Variants in RGS5 observed in about 807,000 individuals in gnomAD.
The protein encoded by RGS5 is regulator of G protein signaling 5.
RGS5 carries 20 observed loss-of-function variants against 18.9 expected under a neutral mutation model. The observed-to-expected ratio is 1.06, with a 90% CI of 0.74 to 1.54. The LOEUF (loss-of-function observed/expected upper bound fraction) is 1.54, where lower values mean the gene tolerates loss of function less well. Ranked by LOEUF, RGS5 falls within the 40% of genes most tolerant of loss-of-function variation. The pLI, the probability that RGS5 is intolerant of heterozygous loss-of-function variation, is 0.00. For synonymous variants in RGS5, 57 were observed against 76.2 expected, an observed-to-expected ratio of 0.75 and a Z score of 1.31; for missense variants, 201 against 211.8, an observed-to-expected ratio of 0.95 and a Z score of 0.32.
At chr1:163,282,780 TG>T (rs768919047) in intron 2 of RGS5, among the ~76,000 whole-genome samples, 1 of 152,032 alleles carries the variant, frequency 6.6e-6, no homozygotes, top group Non-Finnish European at 1.5e-5. Context: ...ACTAGATGAC[TG>T]GGTACATATC....
intron 2 of RGS5, among the ~76,000 whole-genome samples, chr1:163,291,330 G>A (rs1308919334): frequency 6.6e-6 from 1 of 152,104 alleles, no homozygotes; most frequent in African/African-American, 2.4e-5. Context: ...CCTTCAAGCT[G>A]CCCTTAAGTA....
chr1:163,295,391 T>C (rs894213539), intron 2 of RGS5, among the ~76,000 whole-genome samples: 7 of 152,360 alleles, frequency 4.6e-5, no homozygotes, highest in South Asian at 2.1e-4. Flanking sequence ...CTTTTCCTTT[T>C]GTTTTCATAA....
intron 2 of RGS5, among the ~76,000 whole-genome samples, chr1:163,276,182 C>A (rs527715983): frequency 6.8e-4 from 104 of 152,102 alleles, no homozygotes; most frequent in African/African-American, 2.5e-3. Flanking sequence ...TTAGTAAAGA[C>A]GGGGTTTCTC....
intron 2 of RGS5, among the ~76,000 whole-genome samples, chr1:163,274,230 G>A (rs1648794110): frequency 6.6e-6 from 1 of 151,628 alleles, no homozygotes; most frequent in African/African-American, 2.4e-5. Context: ...CTCAGAATAG[G>A]GCTGATTACC....
chr1:163,147,799 G>GA (rs1657200218), intron 4 of RGS5, among the ~76,000 whole-genome samples: 1 of 400 alleles, frequency 2.5e-3, no homozygotes, highest in Admixed American at 0.033. Flanking sequence ...TCCTTTTATA[G>GA]AAAAAAATAT....
chr1:163,245,988 G>A (rs1188083552), intron 2 of RGS5, among the ~76,000 whole-genome samples: 1 of 152,126 alleles, frequency 6.6e-6, no homozygotes, highest in Non-Finnish European at 1.5e-5. Flanking sequence ...GGCCAAGGCG[G>A]GCGGATCACG....
Position 163,147,439 on chromosome 1 carries a change from C to A in RGS5, c.449G>T (p.Ser150Ile). ...MKNLVEPSLS[S>I]FDMAQKRIHA... is the part of the protein sequence containing the mutation. ...GATTCTTTTCTGGGCCATGTCAAAG[C>A]TGCTCAGGGAAGGTTCCACCAGGTT... is the stretch of plus-strand genomic sequence containing the variant. The change falls in exon 5 of 5, where the codon AGC (serine) becomes ATC (isoleucine). Residue 150 changes from serine (S) to isoleucine (I), a missense_variant. By Grantham distance (142) the Ser-to-Ile change is moderately radical. Coordinates refer to ENST00000313961, the MANE Select transcript of RGS5 (RefSeq NM_003617.4). The A allele has an allele frequency of 6.2e-7, 1 of 1,613,044 alleles. No homozygotes were observed. Among genetic ancestry groups the A allele is most frequent in the Non-Finnish European group, 8.5e-7 (1 of 1,179,440 alleles).
At chr1:163,321,271 A>G (rs186954959) in intron 1 of RGS5, 203 of 152,342 alleles carry the variant, frequency 1.3e-3, no homozygotes, top group African/African-American at 4.6e-3. Context: ...CTTACTGTAT[A>G]ACTTCTAACA....
chr1:163,188,571 C>T (rs1025432307), intron 1 of RGS5, among the ~76,000 whole-genome samples: 6 of 152,056 alleles, frequency 3.9e-5, no homozygotes, highest in African/African-American at 1.2e-4. Context: ...GATTCTGGAC[C>T]CACAGCTCAA....
chr1:163,244,779 CA>C (rs1647884010), intron 2 of RGS5: 1 of 152,152 alleles, frequency 6.6e-6, no homozygotes. Context: ...TACACAGAAT[CA>C]TTCAGAAGGT....
chr1:163,169,379 G>A (rs962160853), intron 1 of RGS5, among the ~76,000 whole-genome samples: 1 of 152,166 alleles, frequency 6.6e-6, no homozygotes, highest in South Asian at 2.1e-4. Flanking sequence ...TATATACCCA[G>A]TAATAGGATG....
intron 2 of RGS5, among the ~76,000 whole-genome samples, chr1:163,273,198 T>C (rs1044119791): frequency 3.9e-5 from 6 of 152,122 alleles, no homozygotes; most frequent in Admixed American, 1.3e-4. Flanking sequence ...TTGAAAAGAA[T>C]GTGTATTCTG....
At position 163,284,286 on chromosome 1, in the gene RGS5, C is replaced by T. The variant is rs377589019; in HGVS notation, c.-281+21947G>A. On this transcript the variant is annotated intron_variant, in intron 2 of 5. Coordinates refer to the RGS5 transcript ENST00000618415. ...TAGCCCATCTCTTGTTATCATTCAG[C>T]AACTATAGGCCTCATTCATAAAGTC... Among the ~76,000 whole-genome samples the T allele has an allele frequency of 1.3e-4, 20 of 152,254 alleles. 1 individual carries two copies. The South Asian group carries it at 4.2e-3, about 32-fold the overall frequency.
intron 2 of RGS5, among the ~76,000 whole-genome samples, chr1:163,293,506 A>G (rs532571210): frequency 1.0e-3 from 153 of 152,300 alleles, no homozygotes; most frequent in African/African-American, 3.6e-3. Flanking sequence ...CCCTTCCTTG[A>G]CACTTAGGGG....
chr1:163,307,881 G>C (rs527675938), intron 1 of RGS5, among the ~76,000 whole-genome samples: 1 of 152,288 alleles, frequency 6.6e-6, no homozygotes, highest in Non-Finnish European at 1.5e-5. Flanking sequence ...AATAAACTGA[G>C]ACTTAAAGAT....
chr1:163,319,153 G>A (rs552599587), intron 1 of RGS5: 4 of 152,270 alleles, frequency 2.6e-5, no homozygotes, highest in Admixed American at 6.5e-5. Flanking sequence ...TTTGTTTAAA[G>A]CACTAGATAT....
At chr1:163,254,908 C>A (rs1337294410) in intron 2 of RGS5, among the ~76,000 whole-genome samples, 2 of 151,536 alleles carry the variant, frequency 1.3e-5, no homozygotes, top group East Asian at 1.9e-4. Flanking sequence ...ATAGGGAATC[C>A]TTTCCCCATT....
upstream of RGS5, among the ~76,000 whole-genome samples, chr1:163,205,949 C>T (rs1019017592): frequency 1.3e-4 from 20 of 152,250 alleles, no homozygotes; most frequent in East Asian, 3.9e-4. Context: ...TCACTAATCT[C>T]GCTACTCACA....
chr1:163,272,832 C>T (rs1373729103), intron 2 of RGS5, among the ~76,000 whole-genome samples: 2 of 151,984 alleles, frequency 1.3e-5, no homozygotes, highest in African/African-American at 4.8e-5. Flanking sequence ...ATTACTACAG[C>T]TTTATGATAA....
Sources: allele counts gnomAD v4.1 joint callset (sites outside exome capture counted in the v4.1 genomes callset), GRCh38; gene constraint gnomAD v4.1.1; transcripts MANE v1.5; gene names NCBI Gene and HGNC (gene_info 2026-07-23, HGNC 2026-07-21).